The following PTPRCAP variants were observed in gnomAD, a reference collection of about 807,000 sequenced individuals.
The protein encoded by PTPRCAP is protein tyrosine phosphatase receptor type C associated protein.
For synonymous variants in PTPRCAP, 136 were observed against 135.8 expected, an observed-to-expected ratio of 1.00 and a Z score of -0.01; for missense variants, 294 against 285.5, an observed-to-expected ratio of 1.03 and a Z score of -0.22.
intron 1 of PTPRCAP, 134 bp from the exon 2 acceptor site, chr11:67,436,484 C>A: frequency 2.8e-6 from 3 of 1,073,946 alleles, no homozygotes; most frequent in Non-Finnish European, 2.5e-6. Flanking sequence ...CAGAAAAGGC[C>A]AAGGCCTTAT....
Position 67,435,715 on chromosome 11 carries a change from G to A in PTPRCAP, c.*18C>T. On this transcript the variant is annotated 3_prime_UTR_variant, in exon 2 of 2. Coordinates refer to ENST00000326294, the MANE Select transcript of PTPRCAP (RefSeq NM_005608.3). ...GGAGTGAGCGGCTGTGACAGGGATG[G>A]GACACCAAGACCGGCCTCTACAGTG... The A allele has an allele frequency of 6.7e-7, 1 of 1,503,098 alleles. No individual in the cohort carries two copies. Among genetic ancestry groups the A allele is most frequent in the Non-Finnish European group, 8.8e-7 (1 of 1,130,618 alleles). The allele number at this position is 1,503,098 out of a possible 1,614,324, so 93.1% of individuals were successfully genotyped here. A position where few individuals can be genotyped will look rare whatever the true frequency, so the allele number is the denominator to read the frequency against.
chr11:67,436,417 G>T, intron 1 of PTPRCAP, 67 bp from the exon 2 acceptor site: 1 of 1,414,916 alleles, frequency 7.1e-7, no homozygotes, highest in Non-Finnish European at 9.2e-7. Flanking sequence ...GGGGCAGGCT[G>T]GGTGACCAAG....
chr11:67,436,453 G>T, intron 1 of PTPRCAP, 103 bp from the exon 2 acceptor site: 1 of 1,318,160 alleles, frequency 7.6e-7, no homozygotes, highest in Non-Finnish European at 1.0e-6. Flanking sequence ...TTCTCTTTGG[G>T]ATCCTCTTGG....
Position 67,436,330 on chromosome 11 carries a change from C to T in PTPRCAP, c.24G>A (p.Gly8=). MALPCTL[G]LGMLLALPGA... ...CTGGCAGGGCCAGCAGCATCCCGAG[C>T]CCTAAGGTGCAGGGCAGAGCCTGTG... is the stretch of plus-strand genomic sequence containing the variant. The change falls in exon 2 of 2, where the codon GGG becomes GGA. Residue 8 remains glycine, a synonymous_variant. Coordinates refer to ENST00000326294, the MANE Select transcript of PTPRCAP (RefSeq NM_005608.3). The T allele has an allele frequency of 4.0e-6, 6 of 1,502,076 alleles. No homozygotes were observed. The highest frequency in any genetic ancestry group is 5.3e-6 in the Non-Finnish European group (6 of 1,127,192). The allele number at this position is 1,502,076 out of a possible 1,614,324, so 93.0% of individuals were successfully genotyped here. A position where few individuals can be genotyped will look rare whatever the true frequency, so the allele number is the denominator to read the frequency against.
intron 1 of PTPRCAP, chr11:67,436,624 C>T (rs563837480): frequency 9.1e-5 from 34 of 373,084 alleles, no homozygotes; most frequent in African/African-American, 6.1e-4. Flanking sequence ...TCCCTCTGCC[C>T]GGAAAGCTCC....
intron 1 of PTPRCAP, 104 bp from the exon 2 acceptor site, chr11:67,436,454 A>T: frequency 7.6e-7 from 1 of 1,318,004 alleles, no homozygotes. Flanking sequence ...TCTCTTTGGG[A>T]TCCTCTTGGG....
rs1014946832 is a variant in PTPRCAP, at chr11:67,435,574, C to T, written c.*159G>A. 7.9e-6 allele frequency: 9 copies of T among 1,143,772 alleles called. No homozygotes were observed. The highest frequency in any genetic ancestry group is 3.1e-5 in the African/African-American group (2 of 64,238). The allele number at this position is 1,143,772 out of a possible 1,614,324, so 70.9% of individuals were successfully genotyped here. ...GCCTGTGGTTGGGGGGGGCCGTTCC[C>T]GTGGTGAGCGGGGTACACATGGACT... On this transcript the variant is annotated 3_prime_UTR_variant, in exon 2 of 2. Coordinates refer to ENST00000326294, the MANE Select transcript of PTPRCAP (RefSeq NM_005608.3).
In PTPRCAP at chr11:67,436,053, CTG is replaced by C. The variant is rs1864265592; in HGVS notation, c.299_300del (p.Thr100ArgfsTer3). ...TCCTCCTGTCGCTCAAGGTCATTGT[CTG>C]TGGACCCCAGCTCAGCTCGGGCCTG... is the stretch of plus-strand genomic sequence containing the variant. ...WLQARAELGS[T>X]DNDLERQEDE... On this transcript the variant is annotated frameshift_variant, in exon 2 of 2. Transcript: ENST00000326294. LOFTEE classifies it low-confidence loss of function (END_TRUNC). 1.2e-6 allele frequency: 2 copies of C among 1,613,446 alleles called. No individual in the cohort carries two copies. The highest frequency in any genetic ancestry group is 4.5e-5 in the East Asian group (2 of 44,884).
chr11:67,436,436 C>A, intron 1 of PTPRCAP, 86 bp from the exon 2 acceptor site: 1 of 1,388,662 alleles, frequency 7.2e-7, no homozygotes, highest in Non-Finnish European at 9.4e-7. Flanking sequence ...AGACCACTTT[C>A]GTTTTTTTCT....
intron 1 of PTPRCAP, 34 bp downstream of exon 1, chr11:67,437,583 C>A: frequency 1.5e-6 from 2 of 1,345,882 alleles, no homozygotes; most frequent in Non-Finnish European, 1.9e-6. Context: ...CCTGTGGCCC[C>A]CATCCCAAGA....
chr11:67,435,862 T>C lies in PTPRCAP; in HGVS notation c.492A>G (p.Pro164=), dbSNP rs374357125. 20 of 1,610,710 alleles carry C rather than the reference T, an allele frequency of 1.2e-5. No individual in the cohort carries two copies. The highest frequency in any genetic ancestry group is 1.7e-5 in the Non-Finnish European group (20 of 1,179,478). ...DTEGDLVLGS[P]GPASAGGSAE... The stretch of plus-strand genomic sequence containing the variant: ...CACTGCCCCCTGCGCTCGCTGGTCC[T>C]GGGGAGCCGAGGACCAGGTCGCCCT... The change falls in exon 2 of 2, where the codon CCA becomes CCG. Residue 164 remains proline, a synonymous_variant. Coordinates refer to ENST00000326294, the MANE Select transcript of PTPRCAP (RefSeq NM_005608.3).
Position 67,435,943 on chromosome 11 carries a change from C to T in PTPRCAP, c.411G>A (p.Ala137=), listed in dbSNP as rs537705236. The T allele has an allele frequency of 1.1e-5, 18 of 1,613,466 alleles. 1 individual carries two copies. The highest frequency in any genetic ancestry group is 1.1e-4 in the South Asian group (10 of 91,068). ...GCACGGGGACCTGCTCTGGGCTGGA[C>T]GCCTCTCCACATTGCTGCTCGCCTT... ...PGEGEQQCGE[A]SSPEQVPVRA... The change falls in exon 2 of 2, where the codon GCG becomes GCA. Residue 137 remains alanine (A), a synonymous_variant. Transcript: ENST00000326294.
At chr11:67,436,400 C>T in intron 1 of PTPRCAP, 50 bp from the exon 2 acceptor site, 1 of 1,424,984 alleles carries the variant, frequency 7.0e-7, no homozygotes, top group Non-Finnish European at 9.1e-7. Context: ...GGGGTGGGGC[C>T]TGGTGTGGGG....
In PTPRCAP at chr11:67,435,804, C is replaced by T; in HGVS notation, c.550G>A (p.Ala184Thr). The T allele has an allele frequency of 6.3e-7, 1 of 1,597,106 alleles. No homozygotes were observed. The change falls in exon 2 of 2, where the codon GCT (alanine) becomes ACT (threonine). Residue 184 changes from alanine (A) to threonine (T), a missense_variant. Physicochemically the swap from Ala to Thr is moderately conservative, Grantham distance 58. Transcript: ENST00000326294. ...CTGTCATCCCAGGCTGCGCTGCCAG[C>T]AAAGGCGTGCAGGTCACTCAGCAGG... Reference protein sequence around the residue: ...EALLSDLHAFAGSAAWDDSAR... With the variant: ...EALLSDLHAFTGSAAWDDSAR...
rs756707916 is a variant in PTPRCAP, at chr11:67,435,752, A to T, written c.602T>A (p.Leu201His). The change falls in exon 2 of 2, where the codon CTC becomes CAC. Residue 201 changes from leucine to histidine, a missense_variant. Physicochemically the swap from Leu to His is moderately conservative, Grantham distance 99. Coordinates refer to ENST00000326294, the MANE Select transcript of PTPRCAP (RefSeq NM_005608.3). ...CGGCCTCTACAGTGCGGTGACATGG[A>T]GGCCCTGGCCCCCAGCTGCCCTGGC... ...DSARAAGGQG[L>H]HVTAL 1.9e-6 allele frequency: 3 copies of T among 1,545,532 alleles called. No individual in the cohort carries two copies.
chr11:67,435,759 G>T lies in PTPRCAP; in HGVS notation c.595C>A (p.Gln199Lys). 2 of 1,554,054 alleles carry T rather than the reference G, an allele frequency of 1.3e-6. No individual in the cohort carries two copies. Among genetic ancestry groups the T allele is most frequent in the South Asian group, 2.4e-5 (2 of 83,944 alleles). Residue 199 changes from glutamine to lysine, a missense_variant, in exon 2 of 2, where the codon CAG (glutamine) becomes AAG (lysine). Gln to Lys is a moderately conservative substitution (Grantham distance 53, BLOSUM62 1). Coordinates refer to ENST00000326294, the MANE Select transcript of PTPRCAP (RefSeq NM_005608.3). ...TACAGTGCGGTGACATGGAGGCCCT[G>T]GCCCCCAGCTGCCCTGGCGCTGTCA... ...WDDSARAAGGQGLHVTAL is the reference protein window; with the variant it reads ...WDDSARAAGGKGLHVTAL
intron 1 of PTPRCAP, 59 bp downstream of exon 1, chr11:67,437,558 T>C: frequency 7.5e-7 from 1 of 1,336,786 alleles, no homozygotes; most frequent in Non-Finnish European, 9.7e-7. Flanking sequence ...GGCCCAGACA[T>C]TCTAGCCCCG....
chr11:67,436,340 C>T lies in PTPRCAP; in HGVS notation c.14G>A (p.Cys5Tyr). 2 of 1,476,558 alleles carry T rather than the reference C, an allele frequency of 1.4e-6. No individual in the cohort carries two copies. Among genetic ancestry groups the T allele is most frequent in the Non-Finnish European group, 1.8e-6 (2 of 1,114,874 alleles). 91.5% of individuals were successfully genotyped at this position (1,476,558 alleles called of 1,614,324 possible). A position where few individuals can be genotyped will look rare whatever the true frequency, so the allele number is the denominator to read the frequency against. Residue 5 changes from cysteine (C) to tyrosine (Y), a missense_variant, in exon 2 of 2, where the codon TGC becomes TAC. Transcript: ENST00000326294. MALP[C>Y]TLGLGMLLAL... The stretch of plus-strand genomic sequence containing the variant: ...CAGCAGCATCCCGAGCCCTAAGGTG[C>T]AGGGCAGAGCCTGTGGGAGACAGGC...
intron 1 of PTPRCAP, chr11:67,436,871 A>G (rs12787021): frequency 0.53 from 80,437 of 153,128 alleles, 23,657 homozygotes; most frequent in African/African-American, 0.81. Context: ...GCTGCTAGGA[A>G]ACGGGGGCTT....
Sources: gnomAD v4.1 joint callset for allele counts on GRCh38, gnomAD v4.1.1 for gene constraint, MANE v1.5 for transcripts, NCBI Gene and HGNC (gene_info 2026-07-23, HGNC 2026-07-21) for gene names.